The following RBM27 variants were observed in gnomAD, a reference collection of about 807,000 sequenced individuals.
RBM27 encodes RNA-binding protein 27.
In RBM27, 22 loss-of-function variants were observed where a neutral mutation model predicts 135.3. The ratio of observed to expected loss-of-function variants is 0.16; its 90% confidence interval spans 0.12 to 0.23. The LOEUF is 0.23. Among genes scored for constraint, RBM27 ranks in the 10% least tolerant of loss-of-function variants. The pLI is 1.00. For missense variants in RBM27, 1,009 were observed against 1,281.0 expected, an observed-to-expected ratio of 0.79 and a Z score of 3.24; for synonymous variants, 481 against 442.4, an observed-to-expected ratio of 1.09 and a Z score of -1.10.
At chr5:146,277,488 A>G (rs1264864224) in intron 19 of RBM27, among the ~76,000 whole-genome samples, 1 of 149,590 alleles carries the variant, frequency 6.7e-6, no homozygotes, top group African/African-American at 2.5e-5. Flanking sequence ...TATATACATC[A>G]TGTTAGATTT....
In RBM27 at chr5:146,255,035, A is replaced by G. The variant is rs758386745; in HGVS notation, c.1537A>G (p.Thr513Ala). The change falls in exon 10 of 21, where the codon ACA (threonine) becomes GCA (alanine). Residue 513 changes from threonine (T) to alanine (A), a missense_variant. By Grantham distance (58) the Thr-to-Ala change is moderately conservative. This residue lies in a region of RBM27 where 329 missense variants were observed against 368.1 expected (regional missense o/e 0.89). Coordinates refer to ENST00000265271, the MANE Select transcript of RBM27 (RefSeq NM_018989.2). ...CAGACAGTTCTTTTCAAGAACTCAGACACAGCGTCCCAATCTGATTGGCCT... is the reference window on the plus strand; with the variant it reads ...CAGACAGTTCTTTTCAAGAACTCAGGCACAGCGTCCCAATCTGATTGGCCT... ...QYRQFFSRTQ[T>A]QRPNLIGLTS... is the part of the protein sequence containing the mutation. 4 of 1,611,694 alleles carry G rather than the reference A, an allele frequency of 2.5e-6. No individual in the cohort carries two copies. Among genetic ancestry groups the G allele is most frequent in the East Asian group, 2.2e-5 (1 of 44,842 alleles).
At position 146,230,711 on chromosome 5, in the gene RBM27, A is replaced by G. The variant is rs568366078; in HGVS notation, c.644A>G (p.Tyr215Cys). ...KSERNDLESS[Y>C]VPVSAPPPNS... ...GAAAGGAATGACCTGGAGAGTTCCT[A>G]TGTGCCTGTGTCTGCACCACCTCCA... is the stretch of plus-strand genomic sequence containing the variant. The change falls in exon 6 of 21, where the codon TAT becomes TGT. Residue 215 changes from tyrosine to cysteine, a missense_variant. This residue lies in a region of RBM27 where 268 missense variants were observed against 326.6 expected (regional missense o/e 0.82). Transcript: ENST00000265271. 1.2e-6 allele frequency: 2 copies of G among 1,613,904 alleles called. No homozygotes were observed. Among genetic ancestry groups the G allele is most frequent in the East Asian group, 2.2e-5 (1 of 44,868 alleles).
chr5:146,270,819 A>G (rs1758829463), intron 17 of RBM27, 135 bp from the exon 18 acceptor site: 2 of 543,888 alleles, frequency 3.7e-6, no homozygotes, highest in Non-Finnish European at 6.6e-6. Context: ...TACTTTTTTA[A>G]AAACACCCAT....
rs1756336560 is a variant in RBM27, at chr5:146,219,197, G to A, written c.178+94G>A. The A allele has an allele frequency of 2.9e-5, 24 of 833,198 alleles. No homozygotes were observed. In the East Asian group the frequency reaches 5.7e-4, roughly 20 times the overall value. The allele number at this position is 833,198 out of a possible 1,614,324, so 51.6% of individuals were successfully genotyped here. On this transcript the variant is annotated intron_variant, in intron 2 of 20. Transcript: ENST00000265271. ...TTGGAGATATAAGCTTGATAGGAAAGAAAGTAGTCAGAGTCCTTTGAATAC... is the reference window on the plus strand; with the variant it reads ...TTGGAGATATAAGCTTGATAGGAAAAAAAGTAGTCAGAGTCCTTTGAATAC...
chr5:146,206,540 C>T (rs1581125629), intron 1 of RBM27, among the ~76,000 whole-genome samples: 1 of 121,504 alleles, frequency 8.2e-6, no homozygotes, highest in African/African-American at 3.2e-5. Context: ...TTTTGTTGCT[C>T]ATTTAGGGTA....
intron 14 of RBM27, among the ~76,000 whole-genome samples, chr5:146,265,970 C>T (rs959744106): frequency 6.6e-6 from 1 of 152,136 alleles, no homozygotes; most frequent in Non-Finnish European, 1.5e-5. Flanking sequence ...CAAACATTTC[C>T]CAATTCTATT....
intron 14 of RBM27, 74 bp from the exon 15 acceptor site, chr5:146,267,575 C>A: frequency 9.9e-7 from 1 of 1,005,258 alleles, no homozygotes; most frequent in Non-Finnish European, 1.5e-6. Context: ...TGCATCTTTT[C>A]TAAAAAAGTA....
At chr5:146,234,289 T>C (rs1487046563) in intron 7 of RBM27, among the ~76,000 whole-genome samples, 1 of 152,200 alleles carries the variant, frequency 6.6e-6, no homozygotes, top group Non-Finnish European at 1.5e-5. Context: ...ATTTTTTTTA[T>C]TACAGACATT....
In RBM27 at chr5:146,269,204, C is replaced by T. The variant is rs1229244397; in HGVS notation, c.2452-3C>T. 8 of 1,588,322 alleles carry T rather than the reference C, an allele frequency of 5.0e-6. No homozygotes were observed. The highest frequency in any genetic ancestry group is 6.9e-6 in the Non-Finnish European group (8 of 1,164,312). ...TGTATTAATTTCTTTTTTACTTATA[C>T]AGGAAGCAATGAAGTTACAACAAGA... On this transcript the variant is annotated splice_polypyrimidine_tract_variant and splice_region_variant and intron_variant, in intron 15 of 20. Coordinates refer to ENST00000265271, the MANE Select transcript of RBM27 (RefSeq NM_018989.2).
chr5:146,236,750 A>G (rs1042256011), intron 7 of RBM27, among the ~76,000 whole-genome samples: 3 of 151,680 alleles, frequency 2.0e-5, no homozygotes, highest in Admixed American at 6.6e-5. Flanking sequence ...CAGCTTCCCA[A>G]ATAGCTGGGA....
intron 8 of RBM27, chr5:146,245,171 A>G (rs1348715614): frequency 6.7e-6 from 1 of 150,288 alleles, no homozygotes; most frequent in Non-Finnish European, 1.5e-5. Flanking sequence ...TTGGACCCCT[A>G]ATTTTTTTTT....
chr5:146,258,076 C>T (rs1265560833), intron 10 of RBM27, among the ~76,000 whole-genome samples: 2 of 152,078 alleles, frequency 1.3e-5, no homozygotes, highest in African/African-American at 4.8e-5. Flanking sequence ...GCCTCGGCCT[C>T]CCAAAGTGCT....
chr5:146,249,610 C>G (rs549474053), intron 8 of RBM27, among the ~76,000 whole-genome samples: 1 of 146,950 alleles, frequency 6.8e-6, no homozygotes, highest in East Asian at 2.0e-4. Context: ...TTGCTTGAAC[C>G]TGGGAGGCAG....
In RBM27 at chr5:146,263,638, A is replaced by G. The variant is rs1412240802; in HGVS notation, c.2331+7A>G. ...TGCTGGAGAAGATTGCCAGGTATGC[A>G]TTTTTGGGAGCTTCAGATATATTTA... is the stretch of plus-strand genomic sequence containing the variant. On this transcript the variant is annotated splice_region_variant and intron_variant, in intron 14 of 20. Transcript: ENST00000265271. 10 of 1,612,894 alleles carry G rather than the reference A, an allele frequency of 6.2e-6. No homozygotes were observed. Among genetic ancestry groups the G allele is most frequent in the Admixed American group, 5.0e-5 (3 of 59,748 alleles).
intron 1 of RBM27, among the ~76,000 whole-genome samples, chr5:146,206,519 AT>A (rs1048211420): frequency 4.4e-5 from 6 of 134,866 alleles, no homozygotes; most frequent in African/African-American, 1.7e-4. Flanking sequence ...TCACATGCTT[AT>A]TTTTTTTAAT....
Position 146,251,858 on chromosome 5 carries a change from C to G in RBM27, c.1427C>G (p.Pro476Arg). ...SIGYHTSVSSPTPLVPDTYEP... is the reference protein window; with the variant it reads ...SIGYHTSVSSRTPLVPDTYEP... ...GGATACCATACCTCAGTCTCCAGCC[C>G]TACCCCTCTGGTTCCAGGTAAGCTT... The change falls in exon 9 of 21, where the codon CCT (proline) becomes CGT (arginine). Residue 476 changes from proline to arginine, a missense_variant. Transcript: ENST00000265271. The G allele has an allele frequency of 6.2e-7, 1 of 1,614,114 alleles. No homozygotes were observed. Among genetic ancestry groups the G allele is most frequent in the African/African-American group, 1.3e-5 (1 of 75,054 alleles).
At position 146,210,322 on chromosome 5, in the gene RBM27, A is replaced by G. The variant is rs185580065; in HGVS notation, c.59+6498A>G. ...GCTAGTGGCTACTATACTAGGAGCT[A>G]TGGTCCAAATATCCAAATGGTATTT... is the stretch of plus-strand genomic sequence containing the variant. On this transcript the variant is annotated intron_variant, in intron 1 of 20. Transcript: ENST00000265271. Among the ~76,000 whole-genome samples the G allele has an allele frequency of 2.0e-3, 311 of 152,300 alleles. 3 individuals carry two copies. The highest frequency in any genetic ancestry group is 7.0e-3 in the African/African-American group (293 of 41,576).
In RBM27 at chr5:146,206,201, C is replaced by T. The variant is rs144572828; in HGVS notation, c.59+2377C>T. ...GAAGAATTAAACATACATTTTATGT[C>T]TTGGATAGAAGGTAACAACTTTTAG... On this transcript the variant is annotated intron_variant, in intron 1 of 20. Coordinates refer to ENST00000265271, the MANE Select transcript of RBM27 (RefSeq NM_018989.2). Among the ~76,000 whole-genome samples, 29 of 151,804 alleles carry T rather than the reference C, an allele frequency of 1.9e-4. 1 individual carries two copies. In the East Asian group the frequency reaches 5.2e-3, roughly 27 times the overall value.
intron 8 of RBM27, among the ~76,000 whole-genome samples, chr5:146,240,679 A>G (rs1351645600): frequency 6.6e-6 from 1 of 152,180 alleles, no homozygotes; most frequent in Non-Finnish European, 1.5e-5. Flanking sequence ...TTACATAATG[A>G]CATATACTTA....
Sources: allele counts gnomAD v4.1 joint callset (sites outside exome capture counted in the v4.1 genomes callset), GRCh38; gene constraint gnomAD v4.1.1; regional missense constraint gnomAD v4.1.1; transcripts MANE v1.5; gene names NCBI Gene and HGNC (gene_info 2026-07-23, HGNC 2026-07-21).